MKLN1: variants seen among roughly 807,000 people sequenced by gnomAD.
The protein encoded by MKLN1 is muskelin 1.
In MKLN1, 18 loss-of-function variants were observed where a neutral mutation model predicts 99.0. The observed-to-expected ratio is 0.18, with a 90% CI of 0.13 to 0.27. The LOEUF is 0.27. MKLN1 is among the 10% of genes least tolerant of loss of function. MKLN1 has a pLI of 1.00. For missense variants in MKLN1, 621 were observed against 875.9 expected (o/e 0.71, Z 3.67); for synonymous variants, 288 against 293.2 (o/e 0.98, Z 0.18).
rs541980808 is a variant in MKLN1 at position 131,364,692 on chromosome 7, A to G, written c.99-10732A>G. ...TGCTTCTTTGTGTTCATAAGTTCTCATGATTTAGCTCCCACTTATAAATGA... is the reference window on the plus strand; with the variant it reads ...TGCTTCTTTGTGTTCATAAGTTCTCGTGATTTAGCTCCCACTTATAAATGA... On this transcript the variant is annotated intron_variant, in intron 1 of 17. Coordinates refer to ENST00000352689, the MANE Select transcript of MKLN1 (RefSeq NM_013255.5). Among the ~76,000 whole-genome samples the G allele has an allele frequency of 2.0e-5, 3 of 152,186 alleles. No individual in the cohort carries two copies. The South Asian group carries it at 6.2e-4, about 32-fold the overall frequency.
At chr7:131,417,000 A>AAC (rs1258615647) in intron 8 of MKLN1, among the ~76,000 whole-genome samples, 3 of 151,850 alleles carry the variant, frequency 2.0e-5, no homozygotes, top group Non-Finnish European at 2.9e-5. Flanking sequence ...AAAAAAAAAA[A>AAC]AAACTCAAAG....
Position 131,487,703 on chromosome 7 carries a change from A to T in MKLN1, c.2183A>T (p.Asn728Ile). The T allele has an allele frequency of 6.2e-7, 1 of 1,613,028 alleles. No individual in the cohort carries two copies. Among genetic ancestry groups the T allele is most frequent in the Non-Finnish European group, 8.5e-7 (1 of 1,179,330 alleles). Residue 728 changes from asparagine (N) to isoleucine (I), a missense_variant, in exon 18 of 18, where the codon AAC (asparagine) becomes ATC (isoleucine). Coordinates refer to ENST00000352689, the MANE Select transcript of MKLN1 (RefSeq NM_013255.5). The surrounding 1 kb of genome is among the most constrained non-coding windows in gnomAD (Gnocchi z 4.7). ...FPDSMTPPKG[N>I]LVDLITL Reference sequence around the variant, plus strand: ...GACAGCATGACTCCTCCTAAAGGCAACCTGGTAGACCTCATCACACTGTAA... The same window carrying T: ...GACAGCATGACTCCTCCTAAAGGCATCCTGGTAGACCTCATCACACTGTAA...
intron 1 of MKLN1, among the ~76,000 whole-genome samples, chr7:131,112,579 T>C (rs1283276956): frequency 6.6e-6 from 1 of 152,230 alleles, no homozygotes; most frequent in Non-Finnish European, 1.5e-5. Context: ...TCTACTCACT[T>C]ATTTATTATG....
At chr7:131,466,585 A>G (rs1209410580) in intron 15 of MKLN1, among the ~76,000 whole-genome samples, 170 bp downstream of exon 15, 4 of 152,224 alleles carry the variant, frequency 2.6e-5, no homozygotes, top group African/African-American at 9.6e-5. Flanking sequence ...CAAAATACAG[A>G]TATTGATGCT....
chr7:131,399,378 G>A lies in MKLN1; in HGVS notation c.648G>A (p.Leu216=), dbSNP rs765231325. The A allele has an allele frequency of 6.8e-6, 11 of 1,613,990 alleles. No individual in the cohort carries two copies. The South Asian group carries it at 1.2e-4, about 18-fold the overall frequency. The change falls in exon 6 of 18, where the codon CTG becomes CTA. Residue 216 remains leucine, a synonymous_variant. Transcript: ENST00000352689. ...TGTTAACAGATATTCATGACAAGCT[G>A]GTGTTGAAGGGTGATTTTGATGCTT... is the stretch of plus-strand genomic sequence containing the variant. ...HPMLTDIHDK[L]VLKGDFDACE...
chr7:131,332,875 A>G (rs576925964), intron 1 of MKLN1, among the ~76,000 whole-genome samples: 1 of 150,510 alleles, frequency 6.6e-6, no homozygotes. Context: ...GCGATCCTCC[A>G]GCCCCAGTTT....
At chr7:131,248,974 C>T (rs1166563335) in intron 3 of MKLN1, among the ~76,000 whole-genome samples, 2 of 152,230 alleles carry the variant, frequency 1.3e-5, no homozygotes, top group Non-Finnish European at 2.9e-5. Context: ...CACCTTCTCC[C>T]ACCCCAAGAA....
chr7:131,388,610 T>C (rs1268941952), intron 3 of MKLN1, among the ~76,000 whole-genome samples: 2 of 152,262 alleles, frequency 1.3e-5, no homozygotes, highest in South Asian at 2.1e-4. Flanking sequence ...CTAGGCCCTG[T>C]CACACATTTT....
chr7:131,140,452 T>A (rs1395205365), intron 1 of MKLN1, among the ~76,000 whole-genome samples: 4 of 152,108 alleles, frequency 2.6e-5, no homozygotes, highest in Admixed American at 2.0e-4. Flanking sequence ...TGGGGGTGGA[T>A]CCCTCATGAA....
At chr7:131,190,383 G>A (rs1414411226) in intron 2 of MKLN1, among the ~76,000 whole-genome samples, 6 of 151,630 alleles carry the variant, frequency 4.0e-5, no homozygotes, top group African/African-American at 2.4e-5. Flanking sequence ...AGATGACCCC[G>A]GCTGAGCAAG....
intron 1 of MKLN1, among the ~76,000 whole-genome samples, chr7:131,328,664 C>T (rs986819429): frequency 6.6e-6 from 1 of 152,142 alleles, no homozygotes; most frequent in Admixed American, 6.5e-5. Flanking sequence ...AGTATTACGG[C>T]TCATTAGAAG....
intron 3 of MKLN1, among the ~76,000 whole-genome samples, chr7:131,238,366 T>G (rs546023353): frequency 4.9e-4 from 75 of 152,318 alleles, no homozygotes; most frequent in African/African-American, 1.8e-3. Context: ...ATGTCTTCAT[T>G]CACCCCGAAA....
At chr7:131,226,397 G>A (rs1173186874) in intron 3 of MKLN1, among the ~76,000 whole-genome samples, 1 of 152,194 alleles carries the variant, frequency 6.6e-6, no homozygotes, top group Non-Finnish European at 1.5e-5. Context: ...ACTGAGAAAC[G>A]CCATTAGGGC....
intron 9 of MKLN1, among the ~76,000 whole-genome samples, chr7:131,435,948 T>A (rs975975424): frequency 6.6e-6 from 1 of 152,096 alleles, no homozygotes; most frequent in Non-Finnish European, 1.5e-5. Context: ...TTTGTGCTAA[T>A]TTAGTTGAAG....
chr7:131,440,004 C>T (rs1795792677), intron 10 of MKLN1, among the ~76,000 whole-genome samples: 1 of 152,044 alleles, frequency 6.6e-6, no homozygotes, highest in Non-Finnish European at 1.5e-5. Context: ...AACTAAAATA[C>T]TCAGAACTTT....
At chr7:131,453,976 A>C (rs1796259906) in intron 12 of MKLN1, among the ~76,000 whole-genome samples, 1 of 152,094 alleles carries the variant, frequency 6.6e-6, no homozygotes, top group African/African-American at 2.4e-5. Context: ...TTTAAGTGTA[A>C]ATTAAAAAAT....
intron 3 of MKLN1, among the ~76,000 whole-genome samples, chr7:131,212,889 C>T (rs1264566625): frequency 6.6e-6 from 1 of 151,580 alleles, no homozygotes; most frequent in Non-Finnish European, 1.5e-5. Context: ...CACCATTGTA[C>T]TCCAGCCTGG....
rs750462463 is a variant in MKLN1, at chr7:131,399,417, T to C, written c.687T>C (p.Ile229=). Reference sequence around the variant, plus strand: ...ATTTTGATGCTTGCGAAGAGTTGATTGAAAAGGCTGTAAATGGTATGAAAC... The same window carrying C: ...ATTTTGATGCTTGCGAAGAGTTGATCGAAAAGGCTGTAAATGGTATGAAAC... The part of the protein sequence containing the change: ...KGDFDACEEL[I]EKAVNDGLFN... The change falls in exon 6 of 18, where the codon ATT becomes ATC. Residue 229 remains isoleucine (I), a synonymous_variant. Transcript: ENST00000352689. The C allele has an allele frequency of 2.5e-5, 41 of 1,613,804 alleles. No individual in the cohort carries two copies. The highest frequency in any genetic ancestry group is 2.2e-5 in the Non-Finnish European group (26 of 1,179,868).
intron 1 of MKLN1, among the ~76,000 whole-genome samples, chr7:131,364,890 T>A (rs1003008870): frequency 2.0e-5 from 3 of 152,216 alleles, no homozygotes; most frequent in Admixed American, 2.0e-4. Context: ...ATGTCTTTAC[T>A]GTTGTTCATA....
Sources: gnomAD v4.1 joint callset for allele counts (sites outside exome capture counted in the v4.1 genomes callset) on GRCh38, gnomAD v4.1.1 for gene constraint, Gnocchi (gnomAD v3.1) non-coding constraint, MANE v1.5 for transcripts, NCBI Gene and HGNC (gene_info 2026-07-23, HGNC 2026-07-21) for gene names.